The following PTPN21 variants were observed in gnomAD, a reference collection of about 807,000 sequenced individuals.
The protein encoded by PTPN21 is protein tyrosine phosphatase non-receptor type 21.
A neutral mutation model predicts 131.8 loss-of-function variants in PTPN21; 77 were observed. The observed-to-expected ratio is 0.58, with a 90% confidence interval of 0.49 to 0.71. The LOEUF (loss-of-function observed/expected upper bound fraction) is 0.71, where lower values mean the gene tolerates loss of function less well. Ranked by LOEUF, PTPN21 falls within the 30% of genes least tolerant of loss-of-function variation. The pLI is 0.00. For missense variants in PTPN21, 1,552 were observed against 1,527.1 expected (o/e 1.02, Z -0.27); for synonymous variants, 715 against 621.3 (o/e 1.15, Z -2.24).
Position 88,504,184 on chromosome 14 carries a change from C to A in PTPN21, c.587+241G>T, listed in dbSNP as rs369750648. On this transcript the variant is annotated intron_variant, in intron 6 of 18. Transcript: ENST00000556564. ...TGGCTGCTTTCAACTTCCTCAGTGT[C>A]CTCACTGGTAAAACATGGACAATAA... 1.2e-4 allele frequency among the ~76,000 whole-genome samples: 19 copies of A among 152,238 alleles called. No individual in the cohort carries two copies. The East Asian group carries it at 3.1e-3, about 25-fold the overall frequency.
At chr14:88,540,915 G>A (rs1029330743) in intron 2 of PTPN21, among the ~76,000 whole-genome samples, 2 of 152,056 alleles carry the variant, frequency 1.3e-5, no homozygotes, top group Non-Finnish European at 2.9e-5. Flanking sequence ...TTACTGCCTC[G>A]GCCTGTCAAA....
intron 2 of PTPN21, among the ~76,000 whole-genome samples, chr14:88,522,824 C>T (rs1310835314): frequency 6.6e-6 from 1 of 152,150 alleles, no homozygotes; most frequent in East Asian, 1.9e-4. Context: ...CAAGTCACAA[C>T]ATCTGATTCC....
At position 88,467,887 on chromosome 14, in the gene PTPN21, G is replaced by C; in HGVS notation, c.*250C>G. On this transcript the variant is annotated 3_prime_UTR_variant, in exon 19 of 19. Coordinates refer to ENST00000556564, the MANE Select transcript of PTPN21 (RefSeq NM_007039.4). Reference sequence around the variant, plus strand: ...AAAATGTGTGCAAGTACTGCAAACCGGACAGACCGGGGCAGGGCAAGGCCC... The same window carrying C: ...AAAATGTGTGCAAGTACTGCAAACCCGACAGACCGGGGCAGGGCAAGGCCC... 2 of 528,442 alleles carry C rather than the reference G, an allele frequency of 3.8e-6. No homozygotes were observed. Among genetic ancestry groups the C allele is most frequent in the Non-Finnish European group, 3.3e-6 (1 of 300,168 alleles). The allele number at this position is 528,442 out of a possible 1,614,324, so 32.7% of individuals were successfully genotyped here.
intron 5 of PTPN21, 94 bp from the exon 6 acceptor site, chr14:88,504,589 T>A: frequency 1.0e-6 from 1 of 958,178 alleles, no homozygotes; most frequent in Non-Finnish European, 1.7e-6. Context: ...CTCGTCACTA[T>A]CAGGCAAAAT....
At chr14:88,540,916 G>A (rs890758556) in intron 2 of PTPN21, among the ~76,000 whole-genome samples, 3 of 152,132 alleles carry the variant, frequency 2.0e-5, no homozygotes, top group African/African-American at 7.2e-5. Context: ...TACTGCCTCG[G>A]CCTGTCAAAG....
chr14:88,471,922 G>T (rs956219689), intron 15 of PTPN21, among the ~76,000 whole-genome samples: 2 of 141,984 alleles, frequency 1.4e-5, no homozygotes, highest in Non-Finnish European at 3.1e-5. Flanking sequence ...AAAGGCAAAA[G>T]AAAAAAAAAA....
At position 88,517,246 on chromosome 14, in the gene PTPN21, G is replaced by A. The variant is rs908740551; in HGVS notation, c.196C>T (p.Leu66Phe). The change falls in exon 3 of 19, where the codon CTC (leucine) becomes TTC (phenylalanine). Residue 66 changes from leucine (L) to phenylalanine (F), a missense_variant. Physicochemically the swap from Leu to Phe is conservative, Grantham distance 22. This residue lies in a region of PTPN21 where 206 missense variants were observed against 221.6 expected (regional missense o/e 0.93). Transcript: ENST00000556564. Reference protein sequence around the residue: ...LELREVTYFSLWYYNKQNQRR... With the variant: ...LELREVTYFSFWYYNKQNQRR... ...TGATTTTGCTTGTTGTAGTACCAGA[G>A]GCTGAAGTAAGTGACCTGGAAAGAC... The A allele has an allele frequency of 1.2e-6, 2 of 1,613,964 alleles. No individual in the cohort carries two copies. Among genetic ancestry groups the A allele is most frequent in the East Asian group, 2.2e-5 (1 of 44,876 alleles).
At chr14:88,481,503 C>T (rs1316657053) in intron 12 of PTPN21, among the ~76,000 whole-genome samples, 1 of 152,108 alleles carries the variant, frequency 6.6e-6, no homozygotes, top group African/African-American at 2.4e-5. Flanking sequence ...CACAAACCAT[C>T]TAGCCATTTA....
intron 2 of PTPN21, among the ~76,000 whole-genome samples, chr14:88,539,299 G>C (rs2078671939): frequency 6.6e-6 from 1 of 151,000 alleles, no homozygotes; most frequent in Non-Finnish European, 1.5e-5. Context: ...GCCCAGGCTG[G>C]AGTGCAATGG....
chr14:88,545,760 A>T (rs1041718243), intron 2 of PTPN21, among the ~76,000 whole-genome samples: 3 of 152,146 alleles, frequency 2.0e-5, no homozygotes, highest in African/African-American at 7.2e-5. Context: ...CAGGAGATCG[A>T]GACCATCCTG....
In PTPN21 at chr14:88,550,467, A is replaced by G; in HGVS notation, c.-50T>C. The G allele has an allele frequency of 6.4e-7, 1 of 1,552,550 alleles. No individual in the cohort carries two copies. The highest frequency in any genetic ancestry group is 8.8e-7 in the Non-Finnish European group (1 of 1,133,652). On this transcript the variant is annotated 5_prime_UTR_variant, in exon 2 of 19. Coordinates refer to ENST00000556564, the MANE Select transcript of PTPN21 (RefSeq NM_007039.4). ...GAGCAAAGAGGGAAAAGCTACCCCC[A>G]CCAACCCAGCGCTGGTGACGCCAGG...
chr14:88,505,498 C>CT (rs1197961557), intron 4 of PTPN21, 127 bp from the exon 5 acceptor site: 1 of 561,438 alleles, frequency 1.8e-6, no homozygotes, highest in Non-Finnish European at 3.1e-6. Context: ...TTTGTTATAG[C>CT]TATATAAAGT....
Position 88,467,968 on chromosome 14 carries a change from T to A in PTPN21, c.*169A>T. ...CCAGGTTAGAAACCCCTCTTCAGCCTGTGCTTCGCACGTTTCCTTCAGCGT... is the reference window on the plus strand; with the variant it reads ...CCAGGTTAGAAACCCCTCTTCAGCCAGTGCTTCGCACGTTTCCTTCAGCGT... On this transcript the variant is annotated 3_prime_UTR_variant, in exon 19 of 19. Coordinates refer to ENST00000556564, the MANE Select transcript of PTPN21 (RefSeq NM_007039.4). 5 of 889,870 alleles carry A rather than the reference T, an allele frequency of 5.6e-6. No homozygotes were observed. The highest frequency in any genetic ancestry group is 2.3e-5 in the Admixed American group (1 of 43,628). 55.1% of individuals were successfully genotyped at this position (889,870 alleles called of 1,614,324 possible).
At chr14:88,493,108 T>A (rs1376397504) in intron 10 of PTPN21, 1 of 456,322 alleles carries the variant, frequency 2.2e-6, no homozygotes, top group African/African-American at 2.0e-5. Context: ...TCTGTAAGTC[T>A]CCATACCTTC....
chr14:88,508,148 G>GTTT, intron 3 of PTPN21, 128 bp from the exon 4 acceptor site: 7 of 413,298 alleles, frequency 1.7e-5, no homozygotes, highest in Admixed American at 5.0e-5. Flanking sequence ...ATGGTTGTGT[G>GTTT]TGTTTTTTTT....
intron 3 of PTPN21, among the ~76,000 whole-genome samples, chr14:88,512,029 T>C (rs1356661751): frequency 1.3e-5 from 2 of 152,160 alleles, no homozygotes; most frequent in East Asian, 3.9e-4. Flanking sequence ...ATTTTTATTT[T>C]TTAAGTTTTA....
At chr14:88,505,488 T>A (rs780788201) in intron 4 of PTPN21, 117 bp from the exon 5 acceptor site, 4 of 634,368 alleles carry the variant, frequency 6.3e-6, no homozygotes, top group Non-Finnish European at 1.1e-5. Flanking sequence ...AGAAGTCAAA[T>A]TTGTTATAGC....
At chr14:88,516,484 T>C (rs1160490792) in intron 3 of PTPN21, among the ~76,000 whole-genome samples, 3 of 152,120 alleles carry the variant, frequency 2.0e-5, no homozygotes, top group Non-Finnish European at 4.4e-5. Flanking sequence ...GCTCAAGAAC[T>C]CAAATTTTAT....
intron 13 of PTPN21, among the ~76,000 whole-genome samples, chr14:88,474,376 G>A (rs2077519629): frequency 6.6e-6 from 1 of 152,002 alleles, no homozygotes; most frequent in South Asian, 2.1e-4. Flanking sequence ...GTTTTGTAGA[G>A]ATGGGGTCTC....
Sources: gnomAD v4.1 joint callset for allele counts (sites outside exome capture counted in the v4.1 genomes callset) on GRCh38, gnomAD v4.1.1 for gene constraint, gnomAD v4.1.1 regional missense constraint, MANE v1.5 for transcripts, NCBI Gene and HGNC (gene_info 2026-07-23, HGNC 2026-07-21) for gene names.